The following KLF12 variants were observed in gnomAD, a reference collection of about 807,000 sequenced individuals.
The protein encoded by KLF12 is Krueppel-like factor 12.
KLF12 carries 9 observed loss-of-function variants against 37.8 expected under a neutral mutation model. The observed-to-expected ratio is 0.24, with a 90% CI of 0.14 to 0.42. The LOEUF (loss-of-function observed/expected upper bound fraction) is 0.42, where lower values mean the gene tolerates loss of function less well. KLF12 is among the 10% of genes least tolerant of loss of function. The probability of loss-of-function intolerance (pLI) is 1.00; values close to 1 mark genes in which losing one functional copy is unlikely to be tolerated. For missense variants in KLF12, 411 were observed against 516.0 expected (o/e 0.80, Z 1.97); for synonymous variants, 208 against 202.1 (o/e 1.03, Z -0.25).
intron 3 of KLF12, among the ~76,000 whole-genome samples, chr13:73,930,353 A>C (rs1430375136): frequency 6.6e-6 from 1 of 152,210 alleles, no homozygotes; most frequent in Admixed American, 6.5e-5. Context: ...TGCCTCTTAC[A>C]GTTTTCTTAT....
intron 5 of KLF12, among the ~76,000 whole-genome samples, chr13:73,803,134 A>G (rs913082330): frequency 1.3e-5 from 2 of 152,218 alleles, no homozygotes; most frequent in Non-Finnish European, 2.9e-5. Context: ...CAGAATTTTT[A>G]TAACAGCAAG....
chr13:74,040,646 C>T (rs1893376301), intron 1 of KLF12, among the ~76,000 whole-genome samples: 1 of 152,228 alleles, frequency 6.6e-6, no homozygotes, highest in African/African-American at 2.4e-5. Flanking sequence ...GAATGCATTA[C>T]ACAGGAAAGC....
chr13:74,153,895 GTTCTA>G, the KLF12 span, among the ~76,000 whole-genome samples: 2 of 152,022 alleles, frequency 1.3e-5, no homozygotes, highest in Admixed American at 1.3e-4. Context: ...TGATGTTTTT[GTTCTA>G]GATTGGATAT....
intron 2 of KLF12, among the ~76,000 whole-genome samples, chr13:73,955,581 C>T (rs1890806465): frequency 6.6e-6 from 1 of 152,214 alleles, no homozygotes; most frequent in Non-Finnish European, 1.5e-5. Flanking sequence ...CATGAAGTGT[C>T]TGATAGTGCT....
rs371427637 is a variant in KLF12, at chr13:73,837,110, T to TATCC, written c.670+8713_670+8716dup. The stretch of plus-strand genomic sequence containing the variant: ...ACCTTTTAAAATGATCCGTCCTGGG[T>TATCC]ATCCATACCTTCTCCTCTTCCTCCT... On this transcript the variant is annotated intron_variant, in intron 4 of 7. Coordinates refer to ENST00000377669, the MANE Select transcript of KLF12 (RefSeq NM_007249.5). 2.8e-3 allele frequency among the ~76,000 whole-genome samples: 427 copies of TATCC among 152,320 alleles called. 1 individual carries two copies. Among genetic ancestry groups the TATCC allele is most frequent in the African/African-American group, 9.7e-3 (405 of 41,586 alleles).
chr13:73,871,356 G>A (rs1351787047), intron 3 of KLF12, among the ~76,000 whole-genome samples: 4 of 152,150 alleles, frequency 2.6e-5, no homozygotes, highest in East Asian at 1.9e-4. Context: ...GCGAGCATTC[G>A]CTATACTAAA....
rs536124484 is a variant in KLF12, at chr13:74,079,225, G to C, written c.-32+54514C>G. Among the ~76,000 whole-genome samples the C allele has an allele frequency of 2.6e-5, 4 of 152,278 alleles. No homozygotes were observed. In the East Asian group the frequency reaches 5.8e-4, roughly 22 times the overall value. On this transcript the variant is annotated intron_variant, in intron 1 of 7. Coordinates refer to ENST00000377669, the MANE Select transcript of KLF12 (RefSeq NM_007249.5). Reference sequence around the variant, plus strand: ...CAAAATAGAACGGGTACCAGGGGCTGAGGGGAATGAGAAGTTACTGTCCAA... The same window carrying C: ...CAAAATAGAACGGGTACCAGGGGCTCAGGGGAATGAGAAGTTACTGTCCAA...
At chr13:73,837,802 G>A (rs1324322276) in intron 4 of KLF12, among the ~76,000 whole-genome samples, 1 of 152,178 alleles carries the variant, frequency 6.6e-6, no homozygotes, top group Admixed American at 6.5e-5. Flanking sequence ...CCTATGGCTA[G>A]TAGTCACCAT....
intron 3 of KLF12, among the ~76,000 whole-genome samples, chr13:73,862,261 T>C (rs11619002): frequency 0.48 from 73,595 of 151,938 alleles, 18,443 homozygotes; most frequent in Middle Eastern, 0.61. Context: ...AAAAGACATG[T>C]CTAAAAATTA....
upstream of KLF12, among the ~76,000 whole-genome samples, chr13:74,134,561 TCCGGCCC>T (rs1459545572): frequency 8.4e-6 from 1 of 119,368 alleles, no homozygotes; most frequent in African/African-American, 3.8e-5. Flanking sequence ...GCCCCCGCCC[TCCGGCCC>T]CGGGCCTCGG....
At chr13:74,189,073 G>A in the KLF12 span, among the ~76,000 whole-genome samples, 1 of 152,148 alleles carries the variant, frequency 6.6e-6, no homozygotes, top group Non-Finnish European at 1.5e-5. Context: ...AAGTGCTCCT[G>A]TGCCTCATGA....
chr13:73,805,674 A>T lies in KLF12; in HGVS notation c.806+7478T>A, dbSNP rs187715600. 4.4e-3 allele frequency among the ~76,000 whole-genome samples: 420 copies of T among 94,858 alleles called. 17 individuals carry two copies. The highest frequency in any genetic ancestry group is 0.016 in the African/African-American group (402 of 24,698). The allele number at this position is 94,858 out of a possible 152,430, so 62.2% of individuals were successfully genotyped here. ...GGAGGAAGGAAGGAAGGAAGGAAGG[A>T]AGGAAGGAAGGAAGGAAGGAAGGAA... is the stretch of plus-strand genomic sequence containing the variant. On this transcript the variant is annotated intron_variant, in intron 5 of 7. Transcript: ENST00000377669.
At chr13:74,047,179 A>G (rs1406682415) in intron 1 of KLF12, among the ~76,000 whole-genome samples, 2 of 152,094 alleles carry the variant, frequency 1.3e-5, no homozygotes, top group Non-Finnish European at 2.9e-5. Flanking sequence ...TCCCCTCCAC[A>G]TCAGCAGTGG....
At position 74,012,664 on chromosome 13, in the gene KLF12, A is replaced by T. The variant is rs527451468; in HGVS notation, c.-31-17611T>A. The stretch of plus-strand genomic sequence containing the variant: ...TGTTATCTTACTGTTGCTTCTAGTT[A>T]TGTTTTTCCTTAAGCATTCTTCTGA... On this transcript the variant is annotated intron_variant, in intron 1 of 7. Transcript: ENST00000377669. 6.6e-5 allele frequency among the ~76,000 whole-genome samples: 10 copies of T among 152,328 alleles called. No homozygotes were observed. In the East Asian group the frequency reaches 1.7e-3, roughly 26 times the overall value.
At chr13:73,917,903 C>T (rs1335777507) in intron 3 of KLF12, among the ~76,000 whole-genome samples, 1 of 151,600 alleles carries the variant, frequency 6.6e-6, no homozygotes, top group Non-Finnish European at 1.5e-5. Context: ...ATTTGTTGGG[C>T]TTTTCTACTG....
chr13:74,196,205 G>GT, the KLF12 span, among the ~76,000 whole-genome samples: 1 of 152,112 alleles, frequency 6.6e-6, no homozygotes, highest in Non-Finnish European at 1.5e-5. Context: ...GATATCTTGT[G>GT]TTTTTTCTCT....
At chr13:74,213,917 AT>A in the KLF12 span, among the ~76,000 whole-genome samples, 1 of 152,034 alleles carries the variant, frequency 6.6e-6, no homozygotes, top group African/African-American at 2.4e-5. Context: ...TCAAATGAAG[AT>A]TTAGCATTTT....
At chr13:73,970,956 G>GA (rs199662407) in intron 2 of KLF12, among the ~76,000 whole-genome samples, 5 of 150,570 alleles carry the variant, frequency 3.3e-5, no homozygotes, top group Admixed American at 1.3e-4. Flanking sequence ...CAGCTGCAAA[G>GA]AAAAAAAAAT....
chr13:74,072,682 G>A (rs1049415180), intron 1 of KLF12, among the ~76,000 whole-genome samples: 8 of 151,924 alleles, frequency 5.3e-5, no homozygotes, highest in African/African-American at 9.7e-5. Context: ...TCCACTGCAC[G>A]CCACCCGGGT....
Sources: gnomAD v4.1 joint callset for allele counts (sites outside exome capture counted in the v4.1 genomes callset) on GRCh38, gnomAD v4.1.1 for gene constraint, MANE v1.5 for transcripts, NCBI Gene and HGNC (gene_info 2026-07-23, HGNC 2026-07-21) for gene names.